The following NR1I3 variants were observed in gnomAD, a reference collection of about 807,000 sequenced individuals.
The protein encoded by NR1I3 is constitutive activator of retinoid response.
A neutral mutation model predicts 38.4 loss-of-function variants in NR1I3; 30 were observed. That is an observed-to-expected ratio of 0.78 (90% CI 0.58 to 1.06). The LOEUF (loss-of-function observed/expected upper bound fraction) is 1.06. Among genes scored for constraint, NR1I3 ranks in the 50% least tolerant of loss-of-function variants. NR1I3 has a pLI of 0.00. For missense variants in NR1I3, 388 were observed against 435.7 expected (o/e 0.89, Z 0.97); for synonymous variants, 143 against 165.1 (o/e 0.87, Z 1.03).
intron 5 of NR1I3, among the ~76,000 whole-genome samples, chr1:161,231,797 C>T (rs985464165): frequency 5.3e-5 from 8 of 151,096 alleles, no homozygotes; most frequent in East Asian, 3.9e-4. Flanking sequence ...CCACTGCACC[C>T]GGCCCACTTT....
Position 161,238,151 on chromosome 1 carries a change from G to A in NR1I3, c.-144C>T. ...TTTCCTCTGATCTCAGGAGTTGCCA[G>A]TGATTGGAGTTAGGGATTATGACCC... On this transcript the variant is annotated 5_prime_UTR_variant, in exon 1 of 9. Transcript: ENST00000367983. 6.3e-7 allele frequency: 1 copy of A among 1,597,372 alleles called. No individual in the cohort carries two copies. Among genetic ancestry groups the A allele is most frequent in the Non-Finnish European group, 8.6e-7 (1 of 1,166,468 alleles).
chr1:161,237,948 T>G lies in NR1I3; in HGVS notation c.-34+93A>C. On this transcript the variant is annotated intron_variant, in intron 1 of 8. Coordinates refer to ENST00000367983, the MANE Select transcript of NR1I3 (RefSeq NM_005122.5). The stretch of plus-strand genomic sequence containing the variant: ...ATCCCCCCACCTTGGCCTCCCAAAG[T>G]GCTGGAATGACACACGTGAGCCACT... 8 of 1,295,872 alleles carry G rather than the reference T, an allele frequency of 6.2e-6. No homozygotes were observed. The South Asian group carries it at 9.5e-5, about 15-fold the overall frequency. 80.3% of individuals were successfully genotyped at this position (1,295,872 alleles called of 1,614,324 possible). A position where few individuals can be genotyped will look rare whatever the true frequency, so the allele number is the denominator to read the frequency against.
chr1:161,235,243 G>C (rs1668333214), intron 3 of NR1I3: 1 of 149,630 alleles, frequency 6.7e-6, no homozygotes, highest in African/African-American at 2.5e-5. Context: ...CCTTGGGGAA[G>C]AGTGCGCTTG....
rs775550900 is a variant in NR1I3 at position 161,236,416 on chromosome 1, G to A, written c.107+43C>T. 6 of 1,611,532 alleles carry A rather than the reference G, an allele frequency of 3.7e-6. No individual in the cohort carries two copies. The South Asian group carries it at 5.5e-5, about 15-fold the overall frequency. ...GGGTGTAAAGGCTGACTAATAGGGA[G>A]TTTGGTTTGGAGGGCTATTTCCATT... On this transcript the variant is annotated intron_variant, in intron 2 of 8. Transcript: ENST00000367983.
chr1:161,233,889 ATATGTGTGTG>A (rs1558119467), intron 3 of NR1I3, among the ~76,000 whole-genome samples: 4 of 84,220 alleles, frequency 4.7e-5, no homozygotes, highest in African/African-American at 1.4e-4. Flanking sequence ...GTGTGTGTGT[ATATGTGTGTG>A]TATATATATG....
chr1:161,233,833 A>ATGTGTGTGTG (rs1667889053), intron 3 of NR1I3, among the ~76,000 whole-genome samples: 2 of 110,640 alleles, frequency 1.8e-5, no homozygotes, highest in African/African-American at 7.3e-5. Context: ...TTCATCATAT[A>ATGTGTGTGTG]TATATGTGTG....
rs1668363074 is a variant in NR1I3, at chr1:161,235,267, T to TTTC, written c.238+579_238+580insGAA. On this transcript the variant is annotated intron_variant, in intron 3 of 8. Transcript: ENST00000367983. ...AGAGTGCGCTTGGTGTTTTTTTTTT[T>TTTC]TTTTTTTTTTTTTTTGAGTCGGAAT... 12 of 121,854 alleles carry TTTC rather than the reference T, an allele frequency of 9.8e-5. 1 individual carries two copies. The highest frequency in any genetic ancestry group is 3.2e-4 in the Admixed American group (4 of 12,698). 7.5% of individuals were successfully genotyped at this position (121,854 alleles called of 1,614,324 possible).
chr1:161,233,879 GTGTGTGTGTATATGTGTGTGTA>G (rs1667957943), intron 3 of NR1I3, among the ~76,000 whole-genome samples: 1 of 108,892 alleles, frequency 9.2e-6, no homozygotes, highest in South Asian at 3.0e-4. Context: ...GTGTGTGTGT[GTGTGTGTGTATATGTGTGTGTA>G]TATATATGTG....
Position 161,235,914 on chromosome 1 carries a change from C to G in NR1I3, c.171G>C (p.Lys57Asn). ...CPFAGSCEVS[K>N]TQRRHCPACR... ...AGGCTGGGCAGTGGCGCCTCTGAGT[C>G]TTGCTGACTTCACAGCTTCCAGCAA... Residue 57 changes from lysine (K) to asparagine (N), a missense_variant, in exon 3 of 9, where the codon AAG becomes AAC. Lys to Asn is a moderately conservative substitution (Grantham distance 94). Transcript: ENST00000367983. 3 of 1,613,454 alleles carry G rather than the reference C, an allele frequency of 1.9e-6. No individual in the cohort carries two copies. The highest frequency in any genetic ancestry group is 2.5e-6 in the Non-Finnish European group (3 of 1,179,688).
In NR1I3 at chr1:161,237,413, A is replaced by G. The variant is rs868751183; in HGVS notation, c.-34+628T>C. 4.6e-5 allele frequency among the ~76,000 whole-genome samples: 7 copies of G among 151,824 alleles called. No homozygotes were observed. In the South Asian group the frequency reaches 1.5e-3, roughly 32 times the overall value. Reference sequence around the variant, plus strand: ...GAGATGGGGTTTCACCATATTGGCCAGGCTGGTTTCAAATTCCTGACTTAG... The same window carrying G: ...GAGATGGGGTTTCACCATATTGGCCGGGCTGGTTTCAAATTCCTGACTTAG... On this transcript the variant is annotated intron_variant, in intron 1 of 8. Transcript: ENST00000367983.
Position 161,230,828 on chromosome 1 carries a change from C to T in NR1I3, c.902G>A (p.Arg301Gln), listed in dbSNP as rs200523878. Reference protein sequence around the residue: ...TLQSYIKGQQRRPRDRFLYAK... With the variant: ...TLQSYIKGQQQRPRDRFLYAK... ...CCCACCGTACCGATCCCGGGGCCTT[C>T]GCTGCTGGCCCTTGATGTAGCTTTG... The change falls in exon 8 of 9, where the codon CGA (arginine) becomes CAA (glutamine). Residue 301 changes from arginine to glutamine, a missense_variant. By Grantham distance (43) the Arg-to-Gln change is conservative. Coordinates refer to ENST00000367983, the MANE Select transcript of NR1I3 (RefSeq NM_005122.5). 1.0e-4 allele frequency: 169 copies of T among 1,614,144 alleles called. No individual in the cohort carries two copies. The Admixed American group carries it at 1.6e-3, about 15-fold the overall frequency.
rs1668512487 is a variant in NR1I3 at position 161,235,854 on chromosome 1, C to T, written c.231G>A (p.Arg77=). 1.9e-6 allele frequency: 3 copies of T among 1,614,144 alleles called. No homozygotes were observed. The highest frequency in any genetic ancestry group is 2.5e-6 in the Non-Finnish European group (3 of 1,179,992). The change falls in exon 3 of 9, where the codon AGG becomes AGA. Residue 77 remains arginine (R), a synonymous_variant. Transcript: ENST00000367983. ...RLQKCLDAGM[R]KDMILSAEAL... is the part of the protein sequence containing the mutation. ...TGTAGGGGGCCAACTCACTGTCTTT[C>T]CTCATGCCAGCATCTAAGCACTTCT...
At chr1:161,230,429 C>G in intron 8 of NR1I3, 2 of 400,224 alleles carry the variant, frequency 5.0e-6, no homozygotes, top group Non-Finnish European at 8.9e-6. Flanking sequence ...AATGAGAAAT[C>G]GAAGGAATTG....
Position 161,229,822 on chromosome 1 carries a change from G to C in NR1I3, c.1022C>G (p.Pro341Arg), listed in dbSNP as rs758748494. 3 of 1,614,208 alleles carry C rather than the reference G, an allele frequency of 1.9e-6. No individual in the cohort carries two copies. The East Asian group carries it at 6.7e-5, about 36-fold the overall frequency. The change falls in exon 9 of 9, where the codon CCG (proline) becomes CGG (arginine). Residue 341 changes from proline to arginine, a missense_variant. Physicochemically the swap from Pro to Arg is moderately radical, Grantham distance 103. Coordinates refer to ENST00000367983, the MANE Select transcript of NR1I3 (RefSeq NM_005122.5). Reference protein sequence around the residue: ...QHIQGLSAMMPLLQEICS With the variant: ...QHIQGLSAMMRLLQEICS Reference sequence around the variant, plus strand: ...TCAGCTGCAGATCTCCTGGAGCAGCGGCATCATGGCAGACAGGCCCTGGAT... The same window carrying C: ...TCAGCTGCAGATCTCCTGGAGCAGCCGCATCATGGCAGACAGGCCCTGGAT...
In NR1I3 at chr1:161,236,560, G is replaced by A; in HGVS notation, c.6C>T (p.Ala2=). The A allele has an allele frequency of 6.2e-7, 1 of 1,614,010 alleles. No individual in the cohort carries two copies. The highest frequency in any genetic ancestry group is 1.1e-5 in the South Asian group (1 of 91,070). Residue 2 remains alanine (A), a synonymous_variant, in exon 2 of 9, where the codon GCC becomes GCT. Transcript: ENST00000367983. The stretch of plus-strand genomic sequence containing the variant: ...AGTTCCTCAGCTCATCTTCCCTACT[G>A]GCCATGACGTCACGTGTTGGGGTGG... M[A]SREDELRNCV...
rs774313084 is a variant in NR1I3 at position 161,229,792 on chromosome 1, T to C, written c.*5A>G. 4.3e-6 allele frequency: 7 copies of C among 1,614,214 alleles called. No individual in the cohort carries two copies. The South Asian group carries it at 4.4e-5, about 10-fold the overall frequency. On this transcript the variant is annotated 3_prime_UTR_variant, in exon 9 of 9. Coordinates refer to ENST00000367983, the MANE Select transcript of NR1I3 (RefSeq NM_005122.5). Reference sequence around the variant, plus strand: ...GGTGAGCTGGGGAAGGAAGTGAGCATGGCCTCAGCTGCAGATCTCCTGGAG... The same window carrying C: ...GGTGAGCTGGGGAAGGAAGTGAGCACGGCCTCAGCTGCAGATCTCCTGGAG...
rs1341929358 is a variant in NR1I3 at position 161,230,905 on chromosome 1, A to G, written c.825T>C (p.Val275=). 3 of 1,613,970 alleles carry G rather than the reference A, an allele frequency of 1.9e-6. No individual in the cohort carries two copies. The highest frequency in any genetic ancestry group is 2.5e-6 in the Non-Finnish European group (3 of 1,180,006). The change falls in exon 8 of 9, where the codon GTT becomes GTC. Residue 275 remains valine (V), a synonymous_variant. Coordinates refer to ENST00000367983, the MANE Select transcript of NR1I3 (RefSeq NM_005122.5). ...GCTGATCAATCTCATCTCTCTGGGT[A>G]ACTCCAGGTCGGTCTGTAAGATAGG... ...MALFSPDRPG[V]TQRDEIDQLQ...
rs1272404867 is a variant in NR1I3, at chr1:161,231,554, G to GC, written c.549-81dup. On this transcript the variant is annotated intron_variant, in intron 5 of 8. Coordinates refer to ENST00000367983, the MANE Select transcript of NR1I3 (RefSeq NM_005122.5). ...GTCTCACTGTCACCCTGGCTGGAGTGCAGTGGCGTGATCTCTGCTCACTGT... is the reference window on the plus strand; with the variant it reads ...GTCTCACTGTCACCCTGGCTGGAGTGCCAGTGGCGTGATCTCTGCTCACTGT... 4 of 1,435,240 alleles carry GC rather than the reference G, an allele frequency of 2.8e-6. No individual in the cohort carries two copies. The African/African-American group carries it at 4.3e-5, about 15-fold the overall frequency. The allele number at this position is 1,435,240 out of a possible 1,614,324, so 88.9% of individuals were successfully genotyped here.
chr1:161,237,729 A>C lies in NR1I3; in HGVS notation c.-34+312T>G, dbSNP rs555127693. ...CGAGACTCCATCTCAAAAAAAACCC[A>C]AAAAAACAAAACAAAAAACAAAAAA... On this transcript the variant is annotated intron_variant, in intron 1 of 8. Transcript: ENST00000367983. Among the ~76,000 whole-genome samples, 50 of 147,246 alleles carry C rather than the reference A, an allele frequency of 3.4e-4. No homozygotes were observed. In the East Asian group the frequency reaches 7.8e-3, roughly 23 times the overall value.
Sources: gnomAD v4.1 joint callset for allele counts (sites outside exome capture counted in the v4.1 genomes callset) on GRCh38, gnomAD v4.1.1 for gene constraint, MANE v1.5 for transcripts, NCBI Gene and HGNC (gene_info 2026-07-23, HGNC 2026-07-21) for gene names.